Variants in ATP8A1 observed in about 807,000 individuals in gnomAD.
The protein encoded by ATP8A1 is phospholipid-transporting ATPase IA.
Under a neutral mutation model 177.7 loss-of-function variants are expected in ATP8A1, and 90 were observed. That is an observed-to-expected ratio of 0.51 (90% CI 0.43 to 0.60). The LOEUF (loss-of-function observed/expected upper bound fraction) is 0.60. Ranked by LOEUF, ATP8A1 falls within the 20% of genes least tolerant of loss-of-function variation. The pLI is 0.00. For missense variants in ATP8A1, 1,072 were observed against 1,392.8 expected, an observed-to-expected ratio of 0.77 and a Z score of 3.67; for synonymous variants, 493 against 485.9, an observed-to-expected ratio of 1.01 and a Z score of -0.19.
At chr4:42,615,998 G>A (rs760649281) in intron 5 of ATP8A1, 35 bp downstream of exon 5, 20 of 1,578,964 alleles carry the variant, frequency 1.3e-5, no homozygotes, top group Non-Finnish European at 1.5e-5. Context: ...AAGTAGGTTT[G>A]ACAAATATGA....
chr4:42,499,470 A>G (rs901478996), intron 24 of ATP8A1, among the ~76,000 whole-genome samples: 3 of 152,188 alleles, frequency 2.0e-5, no homozygotes, highest in Non-Finnish European at 4.4e-5. Context: ...TTAAGGGTAT[A>G]TCACGAGAGA....
chr4:42,476,973 A>G (rs1267518799), intron 25 of ATP8A1, among the ~76,000 whole-genome samples: 1 of 152,226 alleles, frequency 6.6e-6, no homozygotes, highest in Non-Finnish European at 1.5e-5. Context: ...TGTTTGATAT[A>G]TATCAATTAT....
chr4:42,465,195 A>G (rs1719604517), intron 25 of ATP8A1, 119 bp from the exon 26 acceptor site: 1 of 879,738 alleles, frequency 1.1e-6, no homozygotes, highest in South Asian at 1.9e-5. Context: ...AAGAAACCTT[A>G]TGATAAAGTT....
intron 20 of ATP8A1, 60 bp from the exon 21 acceptor site, chr4:42,524,907 A>C: frequency 8.7e-7 from 1 of 1,145,282 alleles, no homozygotes; most frequent in Non-Finnish European, 1.3e-6. Context: ...AATAAAGTTG[A>C]TGTTGGTAAC....
chr4:42,624,347 A>G (rs988263127), intron 4 of ATP8A1, among the ~76,000 whole-genome samples, 189 bp downstream of exon 4: 1 of 152,130 alleles, frequency 6.6e-6, no homozygotes, highest in East Asian at 1.9e-4. Flanking sequence ...ACACTGTAAC[A>G]AACATTCAGC....
At chr4:42,551,318 GA>G (rs763154529) in intron 17 of ATP8A1, 38 bp from the exon 18 acceptor site, 316 of 1,393,546 alleles carry the variant, frequency 2.3e-4, no homozygotes, top group Middle Eastern at 5.4e-4. Context: ...ACACATGATT[GA>G]AAAAAAAATA....
chr4:42,531,847 G>A (rs932667583), intron 20 of ATP8A1, among the ~76,000 whole-genome samples: 4 of 152,050 alleles, frequency 2.6e-5, no homozygotes, highest in African/African-American at 7.2e-5. Context: ...GGCCAGGTGC[G>A]GTGGCTCACA....
intron 33 of ATP8A1, among the ~76,000 whole-genome samples, chr4:42,430,103 G>GATAA (rs1354639773): frequency 2.0e-5 from 3 of 151,836 alleles, no homozygotes; most frequent in African/African-American, 7.3e-5. Context: ...CACTTAAAAT[G>GATAA]ATAAATACAT....
intron 19 of ATP8A1, among the ~76,000 whole-genome samples, chr4:42,544,877 C>T (rs888083155): frequency 6.6e-6 from 1 of 152,072 alleles, no homozygotes; most frequent in Non-Finnish European, 1.5e-5. Flanking sequence ...TATTTCAGTT[C>T]CCGGCCTGGC....
In ATP8A1 at chr4:42,423,647, G is replaced by A. The variant is rs753857860; in HGVS notation, c.3182C>T (p.Ala1061Val). Reference sequence around the variant, plus strand: ...GTACACCACATCAAGGAGCAGAGATGCCACAGGGATGAATAACAAGCCCAT... The same window carrying A: ...GTACACCACATCAAGGAGCAGAGATACCACAGGGATGAATAACAAGCCCAT... ...FWMGLLFIPV[A>V]SLLLDVVYKV... Residue 1061 changes from alanine (A) to valine (V), a missense_variant, in exon 34 of 37, where the codon GCA (alanine) becomes GTA (valine). Ala to Val is a moderately conservative substitution (Grantham distance 64, BLOSUM62 0). Around this residue, in one of 5 missense-constraint regions of ATP8A1, gnomAD observed 316 missense variants for 459.1 expected, o/e 0.69. Transcript: ENST00000381668. 2 of 1,612,666 alleles carry A rather than the reference G, an allele frequency of 1.2e-6. No individual in the cohort carries two copies. The highest frequency in any genetic ancestry group is 1.7e-6 in the Non-Finnish European group (2 of 1,179,382).
chr4:42,569,275 A>G, intron 14 of ATP8A1, 70 bp from the exon 15 acceptor site: 4 of 1,235,388 alleles, frequency 3.2e-6, no homozygotes, highest in Non-Finnish European at 4.6e-6. Context: ...ACATAAAACC[A>G]CGAAGAAGGG....
intron 30 of ATP8A1, among the ~76,000 whole-genome samples, chr4:42,451,206 C>T (rs1717895354): frequency 6.6e-6 from 1 of 152,160 alleles, no homozygotes; most frequent in Admixed American, 6.5e-5. Context: ...AGGCAGCACT[C>T]TCTTCTGTTG....
rs536334756 is a variant in ATP8A1 at position 42,613,830 on chromosome 4, C to T, written c.409+2203G>A. 1.9e-3 allele frequency among the ~76,000 whole-genome samples: 293 copies of T among 152,052 alleles called. 1 individual carries two copies. The highest frequency in any genetic ancestry group is 6.7e-3 in the African/African-American group (277 of 41,454). On this transcript the variant is annotated intron_variant, in intron 5 of 36. Transcript: ENST00000381668. ...AACTCCTGACCTCTGGCGATCCATC[C>T]GCCTCAGCCTCCCAAAGGGCTGGAA...
chr4:42,606,127 T>G (rs889367466), intron 5 of ATP8A1, among the ~76,000 whole-genome samples: 3 of 152,244 alleles, frequency 2.0e-5, no homozygotes, highest in Non-Finnish European at 4.4e-5. Flanking sequence ...TTTAACTCAT[T>G]TTTGGAAAAT....
intron 15 of ATP8A1, among the ~76,000 whole-genome samples, chr4:42,568,679 A>G (rs2043552905): frequency 6.6e-6 from 1 of 152,264 alleles, no homozygotes; most frequent in Non-Finnish European, 1.5e-5. Context: ...CAGATTTTAA[A>G]AACGTTCACT....
intron 22 of ATP8A1, among the ~76,000 whole-genome samples, chr4:42,507,729 CA>C (rs34269384): frequency 0.045 from 402 of 8,866 alleles, 1 homozygote; most frequent in African/African-American, 0.088. Context: ...GACTCCATCT[CA>C]AAAAAAAAAA....
At chr4:42,435,457 AAAAAAAC>A in intron 33 of ATP8A1, among the ~76,000 whole-genome samples, 5 of 94,624 alleles carry the variant, frequency 5.3e-5, no homozygotes, top group African/African-American at 1.7e-4. Flanking sequence ...AAACAAAAAA[AAAAAAAC>A]AAACTATCTC....
In ATP8A1 at chr4:42,656,404, C is replaced by CT. The variant is rs574073765; in HGVS notation, c.49+420dup. On this transcript the variant is annotated intron_variant, in intron 1 of 36. Coordinates refer to ENST00000381668, the MANE Select transcript of ATP8A1 (RefSeq NM_006095.2). ...CCAAGGGACTACGGATCAAAGGATCCTGCAGCCGGGGAAAAGCAAACTCGC... is the reference window on the plus strand; with the variant it reads ...CCAAGGGACTACGGATCAAAGGATCCTTGCAGCCGGGGAAAAGCAAACTCGC... 6.6e-5 allele frequency among the ~76,000 whole-genome samples: 10 copies of CT among 152,302 alleles called. No homozygotes were observed. The South Asian group carries it at 1.4e-3, about 22-fold the overall frequency.
intron 30 of ATP8A1, 82 bp from the exon 31 acceptor site, chr4:42,446,726 G>C: frequency 7.8e-7 from 1 of 1,287,472 alleles, no homozygotes. Flanking sequence ...AAGTTTGAAC[G>C]AAGGAAGGGA....
Sources: allele counts gnomAD v4.1 joint callset (sites outside exome capture counted in the v4.1 genomes callset), GRCh38; gene constraint gnomAD v4.1.1; regional missense constraint gnomAD v4.1.1; transcripts MANE v1.5; gene names NCBI Gene and HGNC (gene_info 2026-07-23, HGNC 2026-07-21).